ZNF469: variants seen among roughly 807,000 people sequenced by gnomAD.
ZNF469 encodes the protein zinc finger protein 469.
ZNF469 carries 1 observed loss-of-function variant against 1.0 expected under a neutral mutation model. That is an observed-to-expected ratio of 1.00 (90% CI 0.35 to 4.73). The LOEUF (loss-of-function observed/expected upper bound fraction) is 4.73, where lower values mean the gene tolerates loss of function less well. Ranked by LOEUF, ZNF469 falls within the 30% of genes most tolerant of loss-of-function variation. The pLI is 0.16. For missense variants in ZNF469, 6,100 were observed against 5,356.3 expected (o/e 1.14, Z -4.33); for synonymous variants, 2,703 against 2,363.4 (o/e 1.14, Z -4.17).
the ZNF469 span, among the ~76,000 whole-genome samples, chr16:88,355,678 C>A: frequency 6.6e-6 from 1 of 152,184 alleles, no homozygotes; most frequent in Admixed American, 6.5e-5. Flanking sequence ...GCCCAGGCAC[C>A]CTAACAGGCC....
chr16:88,114,726 T>G, the ZNF469 span, among the ~76,000 whole-genome samples: 1 of 152,166 alleles, frequency 6.6e-6, no homozygotes, highest in East Asian at 1.9e-4. Context: ...CAGCTGTGTG[T>G]GCGGTGAGTC....
the ZNF469 span, among the ~76,000 whole-genome samples, chr16:88,277,146 T>C: frequency 6.6e-6 from 1 of 151,710 alleles, no homozygotes; most frequent in East Asian, 2.0e-4. Context: ...ACCGTGTAGA[T>C]ATCAGTGCAC....
the ZNF469 span, among the ~76,000 whole-genome samples, chr16:88,188,824 C>G: frequency 0.76 from 115,941 of 151,846 alleles, 44,371 homozygotes; most frequent in East Asian, 0.87. Context: ...GGGGGCACCT[C>G]TCTGTGGAGT....
Position 88,432,961 on chromosome 16 carries a change from G to A in ZNF469, c.5491G>A (p.Ala1831Thr). 6.4e-7 allele frequency: 1 copy of A among 1,550,416 alleles called. No individual in the cohort carries two copies. Among genetic ancestry groups the A allele is most frequent in the Non-Finnish European group, 8.7e-7 (1 of 1,146,986 alleles). Residue 1831 changes from alanine to threonine, a missense_variant, in exon 3 of 3, where the codon GCC becomes ACC. Coordinates refer to ENST00000565624, the MANE Select transcript of ZNF469 (RefSeq NM_001367624.2). ...WPFGASPSHA[A>T]QGHSAGRAGG... ...TTTTGGTGCCAGTCCCAGCCATGCTGCCCAGGGACATTCTGCAGGCAGAGC... is the reference window on the plus strand; with the variant it reads ...TTTTGGTGCCAGTCCCAGCCATGCTACCCAGGGACATTCTGCAGGCAGAGC...
At chr16:88,334,779 G>A in the ZNF469 span, among the ~76,000 whole-genome samples, 346 of 152,292 alleles carry the variant, frequency 2.3e-3, 1 homozygote, top group African/African-American at 8.0e-3. Flanking sequence ...AGATGCCGAC[G>A]GGAGGACACA....
chr16:88,347,648 T>G, the ZNF469 span, among the ~76,000 whole-genome samples: 2 of 152,108 alleles, frequency 1.3e-5, no homozygotes, highest in Non-Finnish European at 2.9e-5. Context: ...TCCACCCCGA[T>G]GTGAAGAACT....
chr16:88,436,989 G>A lies in ZNF469; in HGVS notation c.9519G>A (p.Gly3173=). The change falls in exon 3 of 3, where the codon GGG becomes GGA. Residue 3173 remains glycine (G), a synonymous_variant. Coordinates refer to ENST00000565624, the MANE Select transcript of ZNF469 (RefSeq NM_001367624.2). The part of the protein sequence containing the change: ...LQERHAQSKA[G]PWACGMCLKE... Reference sequence around the variant, plus strand: ...AGAGGCACGCGCAGAGCAAGGCCGGGCCCTGGGCGTGCGGCATGTGCCTGA... The same window carrying A: ...AGAGGCACGCGCAGAGCAAGGCCGGACCCTGGGCGTGCGGCATGTGCCTGA... 6.6e-7 allele frequency: 1 copy of A among 1,517,522 alleles called. No homozygotes were observed. Among genetic ancestry groups the A allele is most frequent in the Non-Finnish European group, 8.8e-7 (1 of 1,134,644 alleles). The allele number at this position is 1,517,522 out of a possible 1,614,324, so 94.0% of individuals were successfully genotyped here.
At chr16:88,234,087 G>A in the ZNF469 span, among the ~76,000 whole-genome samples, 10 of 152,204 alleles carry the variant, frequency 6.6e-5, no homozygotes, top group African/African-American at 9.7e-5. Flanking sequence ...GATTGGAAGG[G>A]CCATGGACTT....
At chr16:88,403,443 C>G (rs923737951) in intron 1 of ZNF469, among the ~76,000 whole-genome samples, 3 of 152,154 alleles carry the variant, frequency 2.0e-5, no homozygotes, top group African/African-American at 4.8e-5. Context: ...CACTGCTCTC[C>G]CAGGCACCAC....
the ZNF469 span, among the ~76,000 whole-genome samples, chr16:88,197,992 C>G: frequency 6.6e-6 from 1 of 152,248 alleles, no homozygotes; most frequent in Non-Finnish European, 1.5e-5. Flanking sequence ...GAGTCCAGCC[C>G]ACACTCAAGA....
chr16:88,114,287 T>C, the ZNF469 span, among the ~76,000 whole-genome samples: 14,195 of 49,572 alleles, frequency 0.29, 778 homozygotes, highest in African/African-American at 0.4. Context: ...AGGGACCACA[T>C]TCACTCACTG....
the ZNF469 span, among the ~76,000 whole-genome samples, chr16:88,297,003 G>C: frequency 6.6e-6 from 1 of 152,206 alleles, no homozygotes; most frequent in South Asian, 2.1e-4. Context: ...CGTTCAAACT[G>C]TCTCTCAGTG....
Position 88,436,870 on chromosome 16 carries a change from A to C in ZNF469, c.9400A>C (p.Lys3134Gln). 1 of 1,518,474 alleles carries C rather than the reference A, an allele frequency of 6.6e-7. No homozygotes were observed. The highest frequency in any genetic ancestry group is 8.8e-7 in the Non-Finnish European group (1 of 1,135,278). 94.1% of individuals were successfully genotyped at this position (1,518,474 alleles called of 1,614,324 possible). The change falls in exon 3 of 3, where the codon AAG (lysine) becomes CAG (glutamine). Residue 3134 changes from lysine to glutamine, a missense_variant. Lys to Gln is a moderately conservative substitution (Grantham distance 53). Transcript: ENST00000565624. The part of the protein sequence containing the change: ...FRSLGELDLH[K>Q]LAHTPAPPPT... ...CAGCCTGGGCGAGCTGGACCTGCAC[A>C]AGCTGGCCCACACGCCCGCGCCGCC...
chr16:88,156,012 C>T, the ZNF469 span, among the ~76,000 whole-genome samples: 1 of 152,152 alleles, frequency 6.6e-6, no homozygotes, highest in Non-Finnish European at 1.5e-5. Flanking sequence ...ACACTGAGTA[C>T]CTTTCCATGT....
At chr16:88,360,788 C>T in the ZNF469 span, among the ~76,000 whole-genome samples, 3 of 151,040 alleles carry the variant, frequency 2.0e-5, no homozygotes, top group Non-Finnish European at 2.9e-5. Context: ...AGGCAGTCCA[C>T]CCCCAGACAG....
At chr16:88,341,002 G>T in the ZNF469 span, among the ~76,000 whole-genome samples, 2 of 152,128 alleles carry the variant, frequency 1.3e-5, no homozygotes, top group African/African-American at 4.8e-5. Flanking sequence ...CTGGCGTCTG[G>T]CTGGCAGCCC....
chr16:88,131,589 C>G, the ZNF469 span, among the ~76,000 whole-genome samples: 1,470 of 147,432 alleles, frequency 1.0e-2, no homozygotes, highest in African/African-American at 0.035. Flanking sequence ...TATGTTTCCC[C>G]ATTTCTGAAA....
the ZNF469 span, among the ~76,000 whole-genome samples, chr16:88,338,463 C>A: frequency 6.6e-6 from 1 of 152,310 alleles, no homozygotes; most frequent in South Asian, 2.1e-4. Flanking sequence ...TGCACTGAGG[C>A]TCCACGCCCC....
the ZNF469 span, among the ~76,000 whole-genome samples, chr16:88,317,004 C>T: frequency 6.6e-6 from 1 of 152,226 alleles, no homozygotes; most frequent in Non-Finnish European, 1.5e-5. Flanking sequence ...CCCTCCCAAC[C>T]CAGCTGGAAG....
Sources: gnomAD v4.1 joint callset for allele counts (sites outside exome capture counted in the v4.1 genomes callset) on GRCh38, gnomAD v4.1.1 for gene constraint, MANE v1.5 for transcripts, NCBI Gene and HGNC (gene_info 2026-07-23, HGNC 2026-07-21) for gene names.